DRC10: variants seen among roughly 807,000 people sequenced by gnomAD.
The protein encoded by DRC10 is dynein regulatory complex subunit 10.
the DRC10 span, chr12:113,197,605 T>A: frequency 6.6e-7 from 1 of 1,526,168 alleles, no homozygotes; most frequent in Admixed American, 2.0e-5. Context: ...TTCCACTTTA[T>A]ATTTCTTCTA....
the DRC10 span, chr12:113,195,724 C>T: frequency 1.2e-6 from 2 of 1,613,808 alleles, no homozygotes; most frequent in African/African-American, 1.3e-5. Flanking sequence ...GCCGCCCGTA[C>T]CATGCGCACC....
At chr12:113,208,956 G>C in the DRC10 span, among the ~76,000 whole-genome samples, 1 of 152,202 alleles carries the variant, frequency 6.6e-6, no homozygotes, top group South Asian at 2.1e-4. Flanking sequence ...TTTTGAGACA[G>C]AGTCTTGCTC....
the DRC10 span, among the ~76,000 whole-genome samples, chr12:113,213,002 T>G: frequency 6.6e-6 from 1 of 152,168 alleles, no homozygotes; most frequent in East Asian, 1.9e-4. Flanking sequence ...ATACCTCGTC[T>G]TCATTCAAAC....
At chr12:113,214,063 C>G in the DRC10 span, among the ~76,000 whole-genome samples, 1 of 152,172 alleles carries the variant, frequency 6.6e-6, no homozygotes, top group Non-Finnish European at 1.5e-5. Flanking sequence ...TCACTACCCT[C>G]CAAACCTCTA....
At chr12:113,211,884 A>ATG in the DRC10 span, among the ~76,000 whole-genome samples, 1 of 151,806 alleles carries the variant, frequency 6.6e-6, no homozygotes, top group Admixed American at 6.6e-5. Context: ...TGGGCAACAA[A>ATG]ATGAGACCTC....
At chr12:113,200,540 AG>A in the DRC10 span, 2 of 576,790 alleles carry the variant, frequency 3.5e-6, no homozygotes, top group Non-Finnish European at 6.1e-6. Context: ...CCCCCCCACC[AG>A]GGGCCCCCTC....
At chr12:113,203,039 T>G in the DRC10 span, 1 of 455,708 alleles carries the variant, frequency 2.2e-6, no homozygotes. Context: ...TTTCCCTTTT[T>G]TTTTTGAGAC....
chr12:113,206,209 A>G, the DRC10 span: 1 of 128,344 alleles, frequency 7.8e-6, no homozygotes, highest in Admixed American at 8.7e-5. Flanking sequence ...ACAGAGCAAG[A>G]CTCCGCCTCA....
At chr12:113,207,337 G>A in the DRC10 span, 2 of 962,166 alleles carry the variant, frequency 2.1e-6, no homozygotes, top group Non-Finnish European at 1.7e-6. Context: ...AACAGAGCGA[G>A]ACTCCATCTT....
chr12:113,198,839 A>G, the DRC10 span, among the ~76,000 whole-genome samples: 1 of 152,188 alleles, frequency 6.6e-6, no homozygotes, highest in South Asian at 2.1e-4. Flanking sequence ...CATCCCAACC[A>G]TTTGGGAGGC....
At chr12:113,214,967 G>A in the DRC10 span, among the ~76,000 whole-genome samples, 1 of 152,130 alleles carries the variant, frequency 6.6e-6, no homozygotes, top group Non-Finnish European at 1.5e-5. Flanking sequence ...TGGAGGTATT[G>A]ACAGTTGGGA....
At chr12:113,215,467 T>C in the DRC10 span, among the ~76,000 whole-genome samples, 3 of 152,252 alleles carry the variant, frequency 2.0e-5, no homozygotes, top group Non-Finnish European at 4.4e-5. Flanking sequence ...TGGTATATGT[T>C]TTTGTATCAA....
chr12:113,209,325 G>A, the DRC10 span, among the ~76,000 whole-genome samples: 1 of 152,202 alleles, frequency 6.6e-6, no homozygotes, highest in Admixed American at 6.5e-5. Context: ...TTCTGGAGTG[G>A]AAAAAGGACA....
At chr12:113,208,179 C>T in the DRC10 span, 1 of 1,599,318 alleles carries the variant, frequency 6.3e-7, no homozygotes, top group Non-Finnish European at 8.5e-7. Context: ...TGTGAGCAGC[C>T]CTCTGTGCCT....
the DRC10 span, among the ~76,000 whole-genome samples, chr12:113,209,000 C>G: frequency 1.3e-4 from 20 of 152,300 alleles, 1 homozygote; most frequent in African/African-American, 4.6e-4. Flanking sequence ...GCCATGATCT[C>G]GGCTCACTGC....
chr12:113,207,991 G>T, the DRC10 span: 2 of 1,614,062 alleles, frequency 1.2e-6, no homozygotes, highest in Non-Finnish European at 1.7e-6. Context: ...CTTGTAGATC[G>T]CCTCATCCAG....
At chr12:113,219,707 C>G in the DRC10 span, among the ~76,000 whole-genome samples, 4 of 151,996 alleles carry the variant, frequency 2.6e-5, no homozygotes, top group South Asian at 2.1e-4. Context: ...GTTTTTCGCT[C>G]TGTCGCCCAG....
At chr12:113,204,061 C>T in the DRC10 span, among the ~76,000 whole-genome samples, 5 of 152,170 alleles carry the variant, frequency 3.3e-5, no homozygotes, top group Admixed American at 6.5e-5. Flanking sequence ...GGCAACATAG[C>T]GAGACCCTGT....
the DRC10 span, among the ~76,000 whole-genome samples, chr12:113,197,992 G>A: frequency 2.4e-3 from 373 of 152,272 alleles, no homozygotes; most frequent in Admixed American, 3.8e-3. Context: ...TGAGGCAGGC[G>A]GGTCACTTGA....
Sources: allele counts gnomAD v4.1 joint callset (sites outside exome capture counted in the v4.1 genomes callset), GRCh38; gene constraint gnomAD v4.1.1; transcripts MANE v1.5; gene names NCBI Gene and HGNC (gene_info 2026-07-23, HGNC 2026-07-21).